RAB33A: variants seen among roughly 807,000 people sequenced by gnomAD.
RAB33A encodes the protein RAB33A, member RAS oncogene family, also known as ras-related protein Rab-33A.
Under a neutral mutation model 12.0 loss-of-function variants are expected in RAB33A, and 6 were observed. That is an observed-to-expected ratio of 0.50 (90% confidence interval 0.27 to 0.99). RAB33A has a LOEUF of 0.99. Among genes scored for constraint, RAB33A ranks in the 50% least tolerant of loss-of-function variants. The pLI is 0.11. For missense variants in RAB33A, 109 were observed against 192.0 expected (o/e 0.57, Z 2.55); for synonymous variants, 70 against 82.4 (o/e 0.85, Z 0.81).
At chrX:130,140,627 TCACA>T in the RAB33A span, 1 of 1,160,057 alleles carries the variant, frequency 8.6e-7, no homozygotes, top group Non-Finnish European at 1.2e-6. Context: ...CCTGGTACAG[TCACA>T]CACATACACA....
At chrX:130,133,478 T>C in the RAB33A span, 3 of 1,198,993 alleles carry the variant, frequency 2.5e-6, no homozygotes, top group Non-Finnish European at 3.4e-6. Context: ...ATACATAACA[T>C]GAACACATGA....
intron 1 of RAB33A, among the ~76,000 whole-genome samples, chrX:130,176,823 CT>C (rs1172306663): frequency 1.8e-5 from 2 of 111,943 alleles, no homozygotes; most frequent in Non-Finnish European, 3.8e-5. Context: ...TTCTTTTAAA[CT>C]TTTCCCATCA....
At chrX:130,154,934 G>A in the RAB33A span, among the ~76,000 whole-genome samples, 1 of 112,389 alleles carries the variant, frequency 8.9e-6, no homozygotes, top group African/African-American at 3.2e-5. Context: ...GAGGATTTGT[G>A]ATCATCATTA....
chrX:130,128,545 C>G, the RAB33A span, among the ~76,000 whole-genome samples: 2 of 111,895 alleles, frequency 1.8e-5, no homozygotes, highest in Non-Finnish European at 3.8e-5. Context: ...GCACTCCAGC[C>G]TGGGCAACAA....
At chrX:130,174,832 A>G (rs941474333) in intron 1 of RAB33A, among the ~76,000 whole-genome samples, 6 of 110,886 alleles carry the variant, frequency 5.4e-5, no homozygotes, top group African/African-American at 2.0e-4. Flanking sequence ...TGGTGTAGTT[A>G]GAGCCACACT....
the RAB33A span, chrX:130,148,025 C>A: frequency 1.8e-5 from 13 of 718,972 alleles, no homozygotes; most frequent in Non-Finnish European, 2.8e-5. Context: ...ACAATCTTCA[C>A]AGCATCCTGA....
Position 130,172,618 on chromosome X carries a change from G to T in RAB33A, c.258+298G>T, listed in dbSNP as rs777786841. 7.1e-5 allele frequency among the ~76,000 whole-genome samples: 8 copies of T among 112,047 alleles called. No homozygotes were observed. In the East Asian group the frequency reaches 2.3e-3, roughly 32 times the overall value. On this transcript the variant is annotated intron_variant, in intron 1 of 1. Transcript: ENST00000257017. ...TTCCCATCCATGACCCCTACCCCGAGCAGCGGCACCTGTGGGCAGAGGGAG... is the reference window on the plus strand; with the variant it reads ...TTCCCATCCATGACCCCTACCCCGATCAGCGGCACCTGTGGGCAGAGGGAG...
chrX:130,165,755 C>T, the RAB33A span: 2 of 696,548 alleles, frequency 2.9e-6, no homozygotes, highest in South Asian at 4.6e-5. Context: ...CCAGTCTCTT[C>T]ACACGCACAT....
At chrX:130,139,468 A>G in the RAB33A span, among the ~76,000 whole-genome samples, 3 of 112,224 alleles carry the variant, frequency 2.7e-5, no homozygotes, top group Admixed American at 9.5e-5. Flanking sequence ...GTCTCTACAC[A>G]GCACTTGCAA....
At chrX:130,128,739 C>A in the RAB33A span, among the ~76,000 whole-genome samples, 1 of 111,751 alleles carries the variant, frequency 8.9e-6, no homozygotes, top group East Asian at 2.8e-4. Context: ...GGACAGATGT[C>A]TGGCATGAGG....
At chrX:130,152,344 C>G in the RAB33A span, among the ~76,000 whole-genome samples, 1 of 110,999 alleles carries the variant, frequency 9.0e-6, no homozygotes, top group Non-Finnish European at 1.9e-5. Context: ...TGAGGTCGAT[C>G]TGTCTGATAT....
chrX:130,141,650 T>C, the RAB33A span, among the ~76,000 whole-genome samples: 1 of 111,272 alleles, frequency 9.0e-6, no homozygotes, highest in Non-Finnish European at 1.9e-5. Flanking sequence ...GTACTTTCAT[T>C]CTCTTCTGAG....
the RAB33A span, among the ~76,000 whole-genome samples, chrX:130,139,453 C>G: frequency 9.0e-6 from 1 of 111,678 alleles, no homozygotes; most frequent in Admixed American, 9.5e-5. Context: ...ACTTTTTTCT[C>G]AGAAGTCTCT....
chrX:130,172,056 G>A lies in RAB33A; in HGVS notation c.-7G>A, dbSNP rs557295208. On this transcript the variant is annotated 5_prime_UTR_variant, in exon 1 of 2. Coordinates refer to ENST00000257017, the MANE Select transcript of RAB33A (RefSeq NM_004794.3). Reference sequence around the variant, plus strand: ...GGGGGTTGGGGCCCCGGTTCGGTCCGGGGGAGATGGCGCAGCCCATCCTGG... The same window carrying A: ...GGGGGTTGGGGCCCCGGTTCGGTCCAGGGGAGATGGCGCAGCCCATCCTGG... The A allele has an allele frequency of 3.3e-6, 4 of 1,203,891 alleles. No individual in the cohort carries two copies. The Admixed American group carries it at 8.9e-5, about 27-fold the overall frequency.
the RAB33A span, among the ~76,000 whole-genome samples, chrX:130,149,201 C>T: frequency 7.2e-5 from 8 of 111,474 alleles, no homozygotes; most frequent in African/African-American, 2.3e-4. Context: ...GGATGACAGG[C>T]GTGAGCCACC....
chrX:130,134,414 T>A, the RAB33A span, among the ~76,000 whole-genome samples: 52,293 of 109,437 alleles, frequency 0.48, 9,702 homozygotes, highest in African/African-American at 0.65. Context: ...TGTGACTGCC[T>A]CTCACCTAGA....
chrX:130,160,981 G>A, the RAB33A span, among the ~76,000 whole-genome samples: 1 of 111,133 alleles, frequency 9.0e-6, no homozygotes, highest in East Asian at 2.8e-4. Flanking sequence ...ATTTATTTTA[G>A]GTTGCTTAAT....
At chrX:130,168,751 A>T (rs1015085887), upstream of RAB33A, among the ~76,000 whole-genome samples, 4 of 111,298 alleles carry the variant, frequency 3.6e-5, no homozygotes, top group Non-Finnish European at 5.6e-5. Flanking sequence ...TAAGCAGAGT[A>T]GATCAGTGTT....
the RAB33A span, among the ~76,000 whole-genome samples, chrX:130,117,532 G>C: frequency 9.0e-6 from 1 of 111,654 alleles, no homozygotes; most frequent in African/African-American, 3.3e-5. Flanking sequence ...TTTGGAGGGT[G>C]TGGGAGATGG....
Sources: gnomAD v4.1 joint callset for allele counts (sites outside exome capture counted in the v4.1 genomes callset) on GRCh38, gnomAD v4.1.1 for gene constraint, MANE v1.5 for transcripts, NCBI Gene and HGNC (gene_info 2026-07-23, HGNC 2026-07-21) for gene names.